Variants in SMIM14 observed in about 807,000 individuals in gnomAD.
SMIM14 encodes the protein chromosome 4 open reading frame 34.
In SMIM14, 5 loss-of-function variants were observed where a neutral mutation model predicts 12.6. The observed-to-expected ratio is 0.40, with a 90% CI of 0.21 to 0.83. SMIM14 has a LOEUF of 0.83. Ranked by LOEUF, SMIM14 falls within the 40% of genes least tolerant of loss-of-function variation. SMIM14 has a pLI of 0.37. For synonymous variants in SMIM14, 30 were observed against 40.1 expected (o/e 0.75, Z 0.95); for missense variants, 86 against 119.1 (o/e 0.72, Z 1.29).
intron 3 of SMIM14, among the ~76,000 whole-genome samples, chr4:39,571,524 G>A (rs1241289659): frequency 6.6e-6 from 1 of 151,918 alleles, no homozygotes; most frequent in Non-Finnish European, 1.5e-5. Context: ...AGGCTGCAGT[G>A]AGCCATGATC....
chr4:39,606,514 G>T (rs1045280411), intron 1 of SMIM14, among the ~76,000 whole-genome samples: 3 of 151,678 alleles, frequency 2.0e-5, no homozygotes, highest in Non-Finnish European at 4.4e-5. Flanking sequence ...GGTGGCGTGT[G>T]CTTGTAGTCC....
intron 1 of SMIM14, among the ~76,000 whole-genome samples, chr4:39,631,068 G>T (rs1317264108): frequency 1.3e-5 from 2 of 152,026 alleles, no homozygotes; most frequent in African/African-American, 2.4e-5. Context: ...CCAGGGCATG[G>T]TAGCTGTAAT....
intron 4 of SMIM14, among the ~76,000 whole-genome samples, chr4:39,555,239 CTT>C (rs1031656892): frequency 6.9e-6 from 1 of 145,048 alleles, no homozygotes. Context: ...AACAGAGGTT[CTT>C]TTTTTTTTTG....
intron 1 of SMIM14, among the ~76,000 whole-genome samples, chr4:39,608,014 T>C (rs1005932863): frequency 3.9e-5 from 6 of 152,136 alleles, no homozygotes; most frequent in African/African-American, 1.2e-4. Flanking sequence ...ATAATCAAAA[T>C]GGAAAATGAG....
At chr4:39,556,295 A>G in intron 4 of SMIM14, 133 bp downstream of exon 4, 1 of 761,120 alleles carries the variant, frequency 1.3e-6, no homozygotes, top group Non-Finnish European at 2.0e-6. Flanking sequence ...TAATAGAACT[A>G]CATAGGTAGA....
At chr4:39,588,749 G>A (rs1713914013) in intron 2 of SMIM14, among the ~76,000 whole-genome samples, 1 of 151,878 alleles carries the variant, frequency 6.6e-6, no homozygotes, top group Admixed American at 6.6e-5. Context: ...TAAGTATGGG[G>A]AAAGGAGTTC....
At position 39,585,911 on chromosome 4, in the gene SMIM14, G is replaced by A. The variant is rs1299562055; in HGVS notation, c.76-13448C>T. Among the ~76,000 whole-genome samples, 3 of 152,184 alleles carry A rather than the reference G, an allele frequency of 2.0e-5. No individual in the cohort carries two copies. The East Asian group carries it at 5.8e-4, about 29-fold the overall frequency. ...AAGGTCGCTCTTCCCTTGTCATGAA[G>A]AATAATGTCCAGATCATTCTTCCCT... is the stretch of plus-strand genomic sequence containing the variant. On this transcript the variant is annotated intron_variant, in intron 2 of 4. Coordinates refer to ENST00000295958, the MANE Select transcript of SMIM14 (RefSeq NM_174921.3).
At chr4:39,554,506 G>A (rs979614656) in intron 4 of SMIM14, among the ~76,000 whole-genome samples, 1 of 152,046 alleles carries the variant, frequency 6.6e-6, no homozygotes, top group African/African-American at 2.4e-5. Context: ...TACTCGGTAG[G>A]TGGAGGCAGG....
chr4:39,616,141 T>C (rs1242578180), intron 1 of SMIM14, among the ~76,000 whole-genome samples: 1 of 152,138 alleles, frequency 6.6e-6, no homozygotes, highest in African/African-American at 2.4e-5. Flanking sequence ...TTGTTGTTGT[T>C]GTTGTTATTT....
At chr4:39,630,427 G>A (rs992845684) in intron 1 of SMIM14, among the ~76,000 whole-genome samples, 9 of 151,872 alleles carry the variant, frequency 5.9e-5, no homozygotes, top group African/African-American at 1.9e-4. Flanking sequence ...TGAAAGAAGC[G>A]GACTATGGCT....
chr4:39,567,110 T>C (rs1246977219), intron 3 of SMIM14, among the ~76,000 whole-genome samples: 1 of 117,750 alleles, frequency 8.5e-6, no homozygotes, highest in South Asian at 2.7e-4. Flanking sequence ...CACTCCAGCC[T>C]GGGCGACAGA....
At chr4:39,628,775 C>T (rs1174397871) in intron 1 of SMIM14, among the ~76,000 whole-genome samples, 1 of 149,546 alleles carries the variant, frequency 6.7e-6, no homozygotes, top group African/African-American at 2.5e-5. Context: ...CTCTGTCACC[C>T]AGGCTGGAGT....
At chr4:39,624,399 C>T (rs956689108) in intron 1 of SMIM14, among the ~76,000 whole-genome samples, 1 of 152,146 alleles carries the variant, frequency 6.6e-6, no homozygotes, top group East Asian at 1.9e-4. Flanking sequence ...TACAGGAAGT[C>T]ACATTGTAAA....
rs145041086 is a variant in SMIM14 at position 39,595,771 on chromosome 4, G to A, written c.75+9300C>T. On this transcript the variant is annotated intron_variant, in intron 2 of 4. Coordinates refer to ENST00000295958, the MANE Select transcript of SMIM14 (RefSeq NM_174921.3). ...TTACAGGCACGCGTCATCACACCTG[G>A]CTAATTTTTTTTATTTTCGGTAGAG... Among the ~76,000 whole-genome samples the A allele has an allele frequency of 1.0e-3, 153 of 152,000 alleles. 1 individual carries two copies. Among genetic ancestry groups the A allele is most frequent in the African/African-American group, 3.6e-3 (149 of 41,500 alleles).
intron 3 of SMIM14, among the ~76,000 whole-genome samples, 153 bp downstream of exon 3, chr4:39,572,262 T>G (rs1712928528): frequency 6.7e-6 from 1 of 150,042 alleles, no homozygotes; most frequent in Non-Finnish European, 1.5e-5. Flanking sequence ...TAATTTCTTT[T>G]GTGCGTATGT....
At chr4:39,611,878 T>G (rs1715049302) in intron 1 of SMIM14, 1 of 152,198 alleles carries the variant, frequency 6.6e-6, no homozygotes, top group African/African-American at 2.4e-5. Flanking sequence ...ACATGGTGAT[T>G]TGGTGAACCA....
chr4:39,554,695 G>A (rs78323959), intron 4 of SMIM14, among the ~76,000 whole-genome samples: 14,945 of 114,906 alleles, frequency 0.13, 1,852 homozygotes, highest in African/African-American at 0.33. Context: ...TTACCTTATA[G>A]TTTTTTAATT....
intron 1 of SMIM14, among the ~76,000 whole-genome samples, chr4:39,628,685 C>A (rs13152271): frequency 1.8e-4 from 11 of 61,560 alleles, no homozygotes; most frequent in East Asian, 1.9e-3. Context: ...CCGTCTCAAA[C>A]AAACAAACAA....
In SMIM14 at chr4:39,638,784, C is replaced by A; in HGVS notation, c.-81G>T. The A allele has an allele frequency of 2.0e-6, 2 of 985,554 alleles. No homozygotes were observed. Among genetic ancestry groups the A allele is most frequent in the African/African-American group, 1.7e-5 (1 of 57,354 alleles). The allele number at this position is 985,554 out of a possible 1,614,324, so 61.1% of individuals were successfully genotyped here. ...GGGGCGGGGAGGATGGGGGCCGGGA[C>A]CGAGGCTCGGCAGAAAGACCGCCTG... On this transcript the variant is annotated 5_prime_UTR_variant, in exon 1 of 5. Coordinates refer to ENST00000295958, the MANE Select transcript of SMIM14 (RefSeq NM_174921.3).
Sources: gnomAD v4.1 joint callset for allele counts (sites outside exome capture counted in the v4.1 genomes callset) on GRCh38, gnomAD v4.1.1 for gene constraint, MANE v1.5 for transcripts, NCBI Gene and HGNC (gene_info 2026-07-23, HGNC 2026-07-21) for gene names.